The following SYN3 variants were observed in gnomAD, a reference collection of about 807,000 sequenced individuals.
SYN3 encodes synapsin-3.
Under a neutral mutation model 65.8 loss-of-function variants are expected in SYN3, and 35 were observed. That is an observed-to-expected ratio of 0.53 (90% CI 0.41 to 0.70). The LOEUF (loss-of-function observed/expected upper bound fraction) is 0.70. SYN3 is among the 30% of genes least tolerant of loss of function. The pLI is 0.00. For missense variants in SYN3, 680 were observed against 749.0 expected (o/e 0.91, Z 1.08); for synonymous variants, 270 against 292.9 (o/e 0.92, Z 0.80).
At chr22:32,853,441 G>A (rs2048279512) in intron 6 of SYN3, among the ~76,000 whole-genome samples, 1 of 152,216 alleles carries the variant, frequency 6.6e-6, no homozygotes. Context: ...AACTCATGCT[G>A]TCAATGTAGA....
intron 2 of SYN3, among the ~76,000 whole-genome samples, chr22:32,989,482 C>T (rs1477772656): frequency 6.6e-6 from 1 of 152,152 alleles, no homozygotes; most frequent in Non-Finnish European, 1.5e-5. Context: ...ATGATGGAGA[C>T]CTTCCCTGTC....
At chr22:32,627,898 G>A (rs538872265) in intron 6 of SYN3, among the ~76,000 whole-genome samples, 3 of 152,110 alleles carry the variant, frequency 2.0e-5, no homozygotes, top group Middle Eastern at 3.4e-3. Flanking sequence ...GCACCATCTC[G>A]GCTCACTGCA....
chr22:32,952,860 T>A (rs1224416663), intron 3 of SYN3, among the ~76,000 whole-genome samples: 2 of 152,246 alleles, frequency 1.3e-5, no homozygotes, highest in Non-Finnish European at 2.9e-5. Context: ...ACAAACGAGT[T>A]TGAATCTGAT....
intron 6 of SYN3, among the ~76,000 whole-genome samples, chr22:32,811,346 A>G (rs1327058399): frequency 6.6e-6 from 1 of 152,228 alleles, no homozygotes; most frequent in Non-Finnish European, 1.5e-5. Flanking sequence ...GATTCTTGGC[A>G]CAGAATAGCT....
chr22:32,891,807 C>T (rs1471452144), intron 4 of SYN3, among the ~76,000 whole-genome samples: 1 of 152,034 alleles, frequency 6.6e-6, no homozygotes, highest in Non-Finnish European at 1.5e-5. Context: ...TCTAAGAAAG[C>T]TACTAAGCCC....
intron 7 of SYN3, among the ~76,000 whole-genome samples, chr22:32,592,620 A>G (rs1272472088): frequency 6.6e-6 from 1 of 151,974 alleles, no homozygotes; most frequent in Admixed American, 6.6e-5. Context: ...TACTAGTTGA[A>G]TTTTCTCCTT....
rs773624225 is a variant in SYN3, at chr22:32,528,914, G to C, written c.1190C>G (p.Pro397Arg). The stretch of plus-strand genomic sequence containing the variant: ...GGAGGGCGCTGTGCCTCCTGGCATC[G>C]GGAGCTGGCTCATTTTGGAGACAAC... ...DLVVSKMSQL[P>R]MPGGTAPSPL... The change falls in exon 11 of 14, where the codon CCG (proline) becomes CGG (arginine). Residue 397 changes from proline to arginine, a missense_variant. Coordinates refer to ENST00000358763, the MANE Select transcript of SYN3 (RefSeq NM_003490.4). The C allele has an allele frequency of 3.7e-6, 6 of 1,614,126 alleles. No homozygotes were observed. Among genetic ancestry groups the C allele is most frequent in the South Asian group, 3.3e-5 (3 of 91,088 alleles).
At chr22:32,641,401 G>A (rs1275839246) in intron 6 of SYN3, among the ~76,000 whole-genome samples, 5 of 152,082 alleles carry the variant, frequency 3.3e-5, no homozygotes, top group African/African-American at 1.2e-4. Flanking sequence ...GAGGTCAGGA[G>A]ATCGAGACCA....
chr22:32,974,160 C>A (rs8140808), intron 3 of SYN3, among the ~76,000 whole-genome samples: 4,296 of 152,272 alleles, frequency 0.028, 215 homozygotes, highest in African/African-American at 0.096. Flanking sequence ...TTAATCAATA[C>A]TTTTGCTTAT....
intron 4 of SYN3, among the ~76,000 whole-genome samples, chr22:32,913,795 A>G (rs1569322618): frequency 6.6e-6 from 1 of 152,250 alleles, no homozygotes; most frequent in Non-Finnish European, 1.5e-5. Context: ...TTGTGCAGGC[A>G]CAGTGGGCAT....
chr22:32,766,030 G>A (rs888709400), intron 6 of SYN3, among the ~76,000 whole-genome samples: 1 of 152,126 alleles, frequency 6.6e-6, no homozygotes, highest in Admixed American at 6.5e-5. Context: ...TTTTGTTGTT[G>A]TTGTTCATTT....
chr22:32,963,335 C>T (rs927945310), intron 3 of SYN3, among the ~76,000 whole-genome samples: 2 of 150,682 alleles, frequency 1.3e-5, no homozygotes, highest in Non-Finnish European at 2.9e-5. Flanking sequence ...GATCTGCCTA[C>T]CTCAGCCTCC....
At chr22:32,519,308 C>T (rs1382500014) in intron 12 of SYN3, 1 of 141,952 alleles carries the variant, frequency 7.0e-6, no homozygotes, top group African/African-American at 2.8e-5. Flanking sequence ...GATTTTAATT[C>T]TCTTTTTTTT....
At chr22:32,721,416 C>T (rs912767420) in intron 6 of SYN3, among the ~76,000 whole-genome samples, 114 of 152,200 alleles carry the variant, frequency 7.5e-4, no homozygotes, top group Non-Finnish European at 1.3e-3. Context: ...TTCAATAAAA[C>T]CCCCAGAAAT....
At chr22:32,562,686 G>A (rs1378510889) in intron 7 of SYN3, among the ~76,000 whole-genome samples, 1 of 152,240 alleles carries the variant, frequency 6.6e-6, no homozygotes, top group African/African-American at 2.4e-5. Flanking sequence ...GAGCCTCCCA[G>A]GCGAGATTCC....
At chr22:32,720,538 C>G (rs1002626823) in intron 6 of SYN3, among the ~76,000 whole-genome samples, 2 of 152,214 alleles carry the variant, frequency 1.3e-5, no homozygotes, top group African/African-American at 4.8e-5. Flanking sequence ...TCACACTTGG[C>G]TGAACCAAGG....
In SYN3 at chr22:32,513,267, G is replaced by C. The variant is rs1474439933; in HGVS notation, c.*425C>G. On this transcript the variant is annotated 3_prime_UTR_variant, in exon 14 of 14. Transcript: ENST00000358763. ...AAAGATTATTGCCTCCTATATTGCT[G>C]AGGTCTGACTACAGTGTCTGCGTTT... 6.3e-6 allele frequency: 1 copy of C among 159,634 alleles called. No homozygotes were observed. The highest frequency in any genetic ancestry group is 2.4e-5 in the African/African-American group (1 of 41,726). 9.9% of individuals were successfully genotyped at this position (159,634 alleles called of 1,614,324 possible). A position where few individuals can be genotyped will look rare whatever the true frequency, so the allele number is the denominator to read the frequency against.
chr22:32,849,462 C>T, intron 6 of SYN3: 1 of 1,613,656 alleles, frequency 6.2e-7, no homozygotes, highest in South Asian at 1.1e-5. Context: ...TGATCCGGGC[C>T]AAGGTGGTGG....
intron 4 of SYN3, among the ~76,000 whole-genome samples, chr22:32,925,096 A>G (rs566581866): frequency 4.9e-5 from 7 of 144,228 alleles, no homozygotes; most frequent in African/African-American, 1.4e-4. Flanking sequence ...TGTCTCAAGG[A>G]AAAAAAAAAG....
Sources: gnomAD v4.1 joint callset for allele counts (sites outside exome capture counted in the v4.1 genomes callset) on GRCh38, gnomAD v4.1.1 for gene constraint, MANE v1.5 for transcripts, NCBI Gene and HGNC (gene_info 2026-07-23, HGNC 2026-07-21) for gene names.